BRINP3: variants seen among roughly 807,000 people sequenced by gnomAD.
The protein encoded by BRINP3 is BMP/retinoic acid inducible neural specific 3, also known as BMP/retinoic acid-inducible neural-specific protein 3.
BRINP3 carries 19 observed loss-of-function variants against 71.0 expected under a neutral mutation model. The ratio of observed to expected loss-of-function variants is 0.27; its 90% CI spans 0.19 to 0.39. BRINP3 has a LOEUF of 0.39. Among genes scored for constraint, BRINP3 ranks in the 10% least tolerant of loss-of-function variants. BRINP3 has a pLI of 1.00. For missense variants in BRINP3, 959 were observed against 940.8 expected (o/e 1.02, Z -0.25); for synonymous variants, 380 against 337.7 (o/e 1.13, Z -1.37).
At chr1:190,450,153 C>T (rs2102606096) in intron 2 of BRINP3, among the ~76,000 whole-genome samples, 1 of 152,208 alleles carries the variant, frequency 6.6e-6, no homozygotes, top group African/African-American at 2.4e-5. Context: ...GTGGCTACAT[C>T]TCAAGGTAGG....
chr1:190,336,614 A>G (rs1667298868), intron 2 of BRINP3, among the ~76,000 whole-genome samples: 1 of 152,060 alleles, frequency 6.6e-6, no homozygotes, highest in Non-Finnish European at 1.5e-5. Context: ...CACAGGGAGA[A>G]TGAATTCCTG....
At chr1:190,126,517 T>C (rs186572664) in intron 7 of BRINP3, among the ~76,000 whole-genome samples, 1 of 151,950 alleles carries the variant, frequency 6.6e-6, no homozygotes, top group Non-Finnish European at 1.5e-5. Flanking sequence ...TATTTACTTA[T>C]TTTTATTGTT....
chr1:190,131,658 A>T (rs945242515), intron 7 of BRINP3, among the ~76,000 whole-genome samples: 2 of 152,114 alleles, frequency 1.3e-5, no homozygotes, highest in Non-Finnish European at 2.9e-5. Context: ...CCATTGTGAA[A>T]TATTTAACAA....
At chr1:190,248,632 A>AT (rs2102803829) in intron 4 of BRINP3, among the ~76,000 whole-genome samples, 1 of 151,740 alleles carries the variant, frequency 6.6e-6, no homozygotes, top group South Asian at 2.1e-4. Context: ...CTAAACTAGG[A>AT]TATCAATTTT....
intron 2 of BRINP3, among the ~76,000 whole-genome samples, chr1:190,445,414 C>G (rs908349328): frequency 6.6e-6 from 1 of 151,916 alleles, no homozygotes; most frequent in Non-Finnish European, 1.5e-5. Context: ...GTCAGCATTG[C>G]TATTTTATTT....
chr1:190,254,690 T>A (rs902268207), intron 4 of BRINP3, among the ~76,000 whole-genome samples: 3 of 152,214 alleles, frequency 2.0e-5, no homozygotes, highest in Admixed American at 2.0e-4. Context: ...CGATGGGGTT[T>A]TCTAAATATA....
chr1:190,111,105 G>T (rs1652631128), intron 7 of BRINP3, among the ~76,000 whole-genome samples: 2 of 149,586 alleles, frequency 1.3e-5, no homozygotes, highest in South Asian at 4.3e-4. Context: ...GTGAACCCGG[G>T]AGGCGGAGCT....
chr1:190,191,523 A>T (rs1389388378), intron 6 of BRINP3, among the ~76,000 whole-genome samples: 1 of 151,880 alleles, frequency 6.6e-6, no homozygotes, highest in East Asian at 1.9e-4. Context: ...TTCTGTTCTT[A>T]TGTTAGTTTG....
intron 2 of BRINP3, among the ~76,000 whole-genome samples, chr1:190,367,917 G>A (rs925002696): frequency 2.6e-5 from 4 of 152,104 alleles, no homozygotes. Context: ...CCTGTCTTCT[G>A]AGCCTCCATG....
intron 2 of BRINP3, among the ~76,000 whole-genome samples, chr1:190,418,049 A>G (rs990497095): frequency 6.6e-6 from 1 of 152,326 alleles, no homozygotes; most frequent in East Asian, 1.9e-4. Flanking sequence ...TCTGCTGGGC[A>G]TCTAGTTCTG....
At position 190,222,415 on chromosome 1, in the gene BRINP3, G is replaced by A. The variant is rs74715490; in HGVS notation, c.961+3667C>T. ...AGATACAATAACATCTATATCAAGC[G>A]GGATGTTTATAGTAATAAATGCCTA... On this transcript the variant is annotated intron_variant, in intron 6 of 7. Transcript: ENST00000367462. Among the ~76,000 whole-genome samples, 488 of 151,662 alleles carry A rather than the reference G, an allele frequency of 3.2e-3. 4 individuals carry two copies. The highest frequency in any genetic ancestry group is 0.011 in the African/African-American group (461 of 41,420).
At chr1:190,396,061 CA>C (rs1048351788) in intron 2 of BRINP3, among the ~76,000 whole-genome samples, 1 of 151,820 alleles carries the variant, frequency 6.6e-6, no homozygotes, top group African/African-American at 2.4e-5. Flanking sequence ...AGGTGTGACA[CA>C]GGGTTCTGAA....
In BRINP3 at chr1:190,281,991, TC is replaced by T. The variant is rs1558142933; in HGVS notation, c.237-242del. 2.6e-5 allele frequency among the ~76,000 whole-genome samples: 4 copies of T among 151,760 alleles called. No individual in the cohort carries two copies. In the South Asian group the frequency reaches 8.3e-4, roughly 32 times the overall value. On this transcript the variant is annotated intron_variant, in intron 2 of 7. Transcript: ENST00000367462. ...TGTACAGCTTCCACTGAGATTTTTT[TC>T]CCCAAGAAAATATATTTTCATAAAA... is the stretch of plus-strand genomic sequence containing the variant.
chr1:190,132,651 C>A (rs1571792269), intron 7 of BRINP3, among the ~76,000 whole-genome samples: 1 of 152,144 alleles, frequency 6.6e-6, no homozygotes, highest in East Asian at 1.9e-4. Flanking sequence ...AGAACTTACA[C>A]AATATTGTAC....
At chr1:190,116,759 G>A (rs1653168588) in intron 7 of BRINP3, among the ~76,000 whole-genome samples, 1 of 151,998 alleles carries the variant, frequency 6.6e-6, no homozygotes, top group Non-Finnish European at 1.5e-5. Flanking sequence ...AAGAATTAAA[G>A]CCACAGAAGT....
At chr1:190,260,335 G>C (rs1002992774) in intron 4 of BRINP3, among the ~76,000 whole-genome samples, 11 of 152,060 alleles carry the variant, frequency 7.2e-5, no homozygotes, top group Non-Finnish European at 5.9e-5. Context: ...AAGATGAAAA[G>C]ATGATTGGTA....
chr1:190,460,575 T>G (rs886605934), intron 1 of BRINP3, among the ~76,000 whole-genome samples: 1 of 152,130 alleles, frequency 6.6e-6, no homozygotes, highest in Non-Finnish European at 1.5e-5. Flanking sequence ...GTGCAAAATA[T>G]CATGATAAGT....
chr1:190,403,881 T>C (rs1476437190), intron 2 of BRINP3, among the ~76,000 whole-genome samples: 4 of 152,214 alleles, frequency 2.6e-5, no homozygotes, highest in African/African-American at 7.2e-5. Context: ...CAAGTCAAAG[T>C]GAAAATTATG....
At chr1:190,163,222 G>T (rs1369683720) in intron 6 of BRINP3, among the ~76,000 whole-genome samples, 1 of 151,966 alleles carries the variant, frequency 6.6e-6, no homozygotes, top group Non-Finnish European at 1.5e-5. Flanking sequence ...AATTGTTAGG[G>T]ATGCCAGATA....
Sources: gnomAD v4.1 joint callset for allele counts (sites outside exome capture counted in the v4.1 genomes callset) on GRCh38, gnomAD v4.1.1 for gene constraint, MANE v1.5 for transcripts, NCBI Gene and HGNC (gene_info 2026-07-23, HGNC 2026-07-21) for gene names.